Variants in ZSCAN12 observed in about 807,000 individuals in gnomAD.
ZSCAN12 encodes the protein zinc finger and SCAN domain containing 12.
ZSCAN12 carries 18 observed loss-of-function variants against 23.4 expected under a neutral mutation model. The ratio of observed to expected loss-of-function variants is 0.77; its 90% CI spans 0.53 to 1.14. The LOEUF (loss-of-function observed/expected upper bound fraction) is 1.14. Ranked by LOEUF, ZSCAN12 falls within the 50% of genes most tolerant of loss-of-function variation. ZSCAN12 has a pLI of 0.00. For missense variants in ZSCAN12, 650 were observed against 735.0 expected (o/e 0.88, Z 1.34); for synonymous variants, 186 against 253.4 (o/e 0.73, Z 2.53).
chr6:28,397,038 C>G (rs1199709337), intron 2 of ZSCAN12, among the ~76,000 whole-genome samples: 1 of 152,064 alleles, frequency 6.6e-6, no homozygotes, highest in East Asian at 1.9e-4. Context: ...CCGGGGTTTC[C>G]CAGCATTGGC....
At chr6:28,382,544 A>C, downstream of ZSCAN12, 1 of 1,551,938 alleles carries the variant, frequency 6.4e-7, no homozygotes, top group Non-Finnish European at 8.7e-7. Flanking sequence ...GCTCAGGAGA[A>C]GATTCACTCC....
At chr6:28,397,885 CCTTT>C (rs1357022201) in intron 2 of ZSCAN12, 115 bp downstream of exon 2, 6 of 1,257,110 alleles carry the variant, frequency 4.8e-6, no homozygotes, top group Middle Eastern at 1.9e-4. Flanking sequence ...AACTCATGCC[CCTTT>C]CTGATGCACC....
chr6:28,382,531 AG>A (rs1432409925), downstream of ZSCAN12: 1 of 1,551,828 alleles, frequency 6.4e-7, no homozygotes, highest in Non-Finnish European at 8.7e-7. Context: ...CTGGAATGAG[AG>A]AGCTCAGGAG....
In ZSCAN12 at chr6:28,398,485, G is replaced by A. The variant is rs2232422; in HGVS notation, c.-68-12C>T. 0.093 allele frequency: 128,622 copies of A among 1,378,554 alleles called. 6,608 individuals are homozygous for A. The highest frequency in any genetic ancestry group is 0.14 in the African/African-American group (9,614 of 68,520). The allele number at this position is 1,378,554 out of a possible 1,614,324, so 85.4% of individuals were successfully genotyped here. Reference sequence around the variant, plus strand: ...ATTCCTGGACAGTCCTGAAGAATAAGCCATCATTATTAATACAAACTCCAC... The same window carrying A: ...ATTCCTGGACAGTCCTGAAGAATAAACCATCATTATTAATACAAACTCCAC... On this transcript the variant is annotated splice_polypyrimidine_tract_variant and intron_variant, in intron 1 of 3. Coordinates refer to ENST00000684592, the MANE Select transcript of ZSCAN12 (RefSeq NM_001163391.2).
In ZSCAN12 at chr6:28,390,565, A is replaced by T. The variant is rs1404915632; in HGVS notation, c.1725T>A (p.His575Gln). Residue 575 changes from histidine (H) to glutamine (Q), a missense_variant, in exon 4 of 4, where the codon CAT (histidine) becomes CAA (glutamine). By Grantham distance (24) the His-to-Gln change is conservative. Transcript: ENST00000684592. ...RSDLSKHQRIHNRRGTYVCKE... is the reference protein window; with the variant it reads ...RSDLSKHQRIQNRRGTYVCKE... ...TACATACATAGGTACCACGTCTATT[A>T]TGGATTCTCTGGTGTTTACTAAGAT... 4 of 1,586,924 alleles carry T rather than the reference A, an allele frequency of 2.5e-6. No individual in the cohort carries two copies. Among genetic ancestry groups the T allele is most frequent in the Non-Finnish European group, 3.4e-6 (4 of 1,166,330 alleles).
intron 2 of ZSCAN12, among the ~76,000 whole-genome samples, chr6:28,394,268 T>C (rs561677700): frequency 1.3e-5 from 2 of 152,326 alleles, no homozygotes; most frequent in African/African-American, 4.8e-5. Context: ...GGCTAGTTAC[T>C]TACTCTCTCT....
At chr6:28,398,761 CAAAAA>C (rs775480746) in intron 1 of ZSCAN12, among the ~76,000 whole-genome samples, 2 of 72,784 alleles carry the variant, frequency 2.7e-5, no homozygotes, top group Admixed American at 1.6e-4. Flanking sequence ...ACTAAAAATA[CAAAAA>C]AAAAAAAAAA....
rs1245030056 is a variant in ZSCAN12 at position 28,389,446 on chromosome 6, C to T, written c.*1008G>A. 1.3e-5 allele frequency among the ~76,000 whole-genome samples: 2 copies of T among 152,170 alleles called. No individual in the cohort carries two copies. Among genetic ancestry groups the T allele is most frequent in the Non-Finnish European group, 2.9e-5 (2 of 68,028 alleles). On this transcript the variant is annotated 3_prime_UTR_variant, in exon 4 of 4. Transcript: ENST00000684592. ...GGCCTTTAGTTTATAGGACTGTGTT[C>T]AGGCTTCCCCACTTCGCAGACAGCC...
chr6:28,382,463 C>G (rs2232439), downstream of ZSCAN12: 19,414 of 1,546,480 alleles, frequency 0.013, 356 homozygotes, highest in African/African-American at 0.076. Flanking sequence ...CTAGGCACAG[C>G]CTTCTTCCTT....
chr6:28,397,751 A>G (rs143591760), intron 2 of ZSCAN12, among the ~76,000 whole-genome samples: 1 of 152,282 alleles, frequency 6.6e-6, no homozygotes, highest in East Asian at 1.9e-4. Flanking sequence ...CTCTTGTCTT[A>G]GAAGTTTTCT....
chr6:28,390,417 C>T lies in ZSCAN12; in HGVS notation c.*37G>A, dbSNP rs1473780437. The T allele has an allele frequency of 6.9e-7, 1 of 1,453,196 alleles. No homozygotes were observed. Among genetic ancestry groups the T allele is most frequent in the Non-Finnish European group, 9.1e-7 (1 of 1,094,688 alleles). 90.0% of individuals were successfully genotyped at this position (1,453,196 alleles called of 1,614,324 possible). On this transcript the variant is annotated 3_prime_UTR_variant, in exon 4 of 4. Transcript: ENST00000684592. ...TTGTAAAGCTAAATAGTATTTCTCA[C>T]CGGCCTGAACTCTGTGAGATAACTT... is the stretch of plus-strand genomic sequence containing the variant.
Position 28,387,731 on chromosome 6 carries a change from G to C in ZSCAN12, c.*2723C>G, listed in dbSNP as rs944903317. Among the ~76,000 whole-genome samples the C allele has an allele frequency of 6.6e-6, 1 of 152,196 alleles. No homozygotes were observed. Among genetic ancestry groups the C allele is most frequent in the Non-Finnish European group, 1.5e-5 (1 of 68,028 alleles). On this transcript the variant is annotated 3_prime_UTR_variant, in exon 4 of 4. Coordinates refer to ENST00000684592, the MANE Select transcript of ZSCAN12 (RefSeq NM_001163391.2). ...TGTATAACAATTATGTTTTGTTGAA[G>C]ATTTGCAGGAGCATTGTGACCCAAC...
Position 28,391,530 on chromosome 6 carries a change from T to A in ZSCAN12, c.760A>T (p.Ser254Cys). The A allele has an allele frequency of 6.4e-7, 1 of 1,552,186 alleles. No individual in the cohort carries two copies. Among genetic ancestry groups the A allele is most frequent in the Non-Finnish European group, 8.7e-7 (1 of 1,147,104 alleles). The change falls in exon 4 of 4, where the codon AGC (serine) becomes TGC (cysteine). Residue 254 changes from serine (S) to cysteine (C), a missense_variant. By Grantham distance (112) the Ser-to-Cys change is moderately radical. Transcript: ENST00000684592. This position sits in a 1 kb window ranked among gnomAD's most constrained non-coding sequence, Gnocchi z 4.1. The stretch of plus-strand genomic sequence containing the variant: ...GTATGGTCAGAGTTCTCAGTCAGGC[T>A]TACTCCATTTTCATCACAGGTAGGT... ...KQPTCDENGV[S>C]LTENSDHTEH... is the part of the protein sequence containing the mutation.
downstream of ZSCAN12, among the ~76,000 whole-genome samples, chr6:28,383,904 C>G (rs556606303): frequency 2.3e-4 from 35 of 152,320 alleles, no homozygotes; most frequent in Non-Finnish European, 4.6e-4. Flanking sequence ...AGAGACAATG[C>G]ATTTGAGAGA....
Position 28,391,260 on chromosome 6 carries a change from C to G in ZSCAN12, c.1030G>C (p.Ala344Pro). 1 of 1,551,830 alleles carries G rather than the reference C, an allele frequency of 6.4e-7. No homozygotes were observed. Among genetic ancestry groups the G allele is most frequent in the South Asian group, 1.2e-5 (1 of 84,060 alleles). The change falls in exon 4 of 4, where the codon GCT becomes CCT. Residue 344 changes from alanine to proline, a missense_variant. By Grantham distance (27) the Ala-to-Pro change is conservative. Coordinates refer to ENST00000684592, the MANE Select transcript of ZSCAN12 (RefSeq NM_001163391.2). This position sits in a 1 kb window ranked among gnomAD's most constrained non-coding sequence, Gnocchi z 4.1. Reference sequence around the variant, plus strand: ...TGAAGTCTCTGATGTTGGTTAAGAGCTGACCACCGGCCAAAGGCTTTGCCA... The same window carrying G: ...TGAAGTCTCTGATGTTGGTTAAGAGGTGACCACCGGCCAAAGGCTTTGCCA... ...ECGKAFGRWS[A>P]LNQHQRLHTG...
chr6:28,391,067 T>C lies in ZSCAN12; in HGVS notation c.1223A>G (p.His408Arg). The change falls in exon 4 of 4, where the codon CAT becomes CGT. Residue 408 changes from histidine (H) to arginine (R), a missense_variant. His to Arg is a conservative substitution (Grantham distance 29). Transcript: ENST00000684592. This position sits in a 1 kb window ranked among gnomAD's most constrained non-coding sequence, Gnocchi z 4.1. ...GCACTCATACGGCTTGGCGCCGGTA[T>C]GAACTCCTTGATGCTGAGTAAGTAT... ...RSILTQHQGV[H>R]TGAKPYECNE... The C allele has an allele frequency of 6.4e-7, 1 of 1,553,530 alleles. No homozygotes were observed. The highest frequency in any genetic ancestry group is 1.2e-5 in the South Asian group (1 of 84,128).
downstream of ZSCAN12, chr6:28,380,670 T>C (rs1238012860): frequency 1.3e-5 from 2 of 153,776 alleles, no homozygotes; most frequent in Non-Finnish European, 2.9e-5. Context: ...ACTTGTTGAT[T>C]GCACAGATTG....
rs1163777385 is a variant in ZSCAN12 at position 28,385,650 on chromosome 6, G to C, written c.*4804C>G. 2.0e-5 allele frequency among the ~76,000 whole-genome samples: 3 copies of C among 152,216 alleles called. No individual in the cohort carries two copies. The highest frequency in any genetic ancestry group is 2.0e-4 in the Admixed American group (3 of 15,280). On this transcript the variant is annotated 3_prime_UTR_variant, in exon 4 of 4. Transcript: ENST00000684592. ...CATACTAACTTCGGGACCTTGAGCAGCTTTAGATTATCTATTTCAGTTTCC... is the reference window on the plus strand; with the variant it reads ...CATACTAACTTCGGGACCTTGAGCACCTTTAGATTATCTATTTCAGTTTCC...
intron 3 of ZSCAN12, among the ~76,000 whole-genome samples, chr6:28,392,145 A>G (rs573667455): frequency 6.6e-6 from 1 of 151,918 alleles, no homozygotes; most frequent in East Asian, 1.9e-4. Flanking sequence ...ACCAACTTTT[A>G]ATATTTTGCA....
Sources: gnomAD v4.1 joint callset for allele counts (sites outside exome capture counted in the v4.1 genomes callset) on GRCh38, gnomAD v4.1.1 for gene constraint, Gnocchi (gnomAD v3.1) non-coding constraint, MANE v1.5 for transcripts, NCBI Gene and HGNC (gene_info 2026-07-23, HGNC 2026-07-21) for gene names.